The following ERC1 variants were observed in gnomAD, a reference collection of about 807,000 sequenced individuals.
ERC1 encodes ELKS/RAB6-interacting/CAST family member 1.
A neutral mutation model predicts 132.0 loss-of-function variants in ERC1; 56 were observed. The observed-to-expected ratio is 0.42, with a 90% CI of 0.34 to 0.53. The LOEUF (loss-of-function observed/expected upper bound fraction) is 0.53. Among genes scored for constraint, ERC1 ranks in the 20% least tolerant of loss-of-function variants. The pLI, the probability that ERC1 is intolerant of heterozygous loss-of-function variation, is 0.03. For missense variants in ERC1, 1,202 were observed against 1,349.9 expected, an observed-to-expected ratio of 0.89 and a Z score of 1.72; for synonymous variants, 478 against 476.1, an observed-to-expected ratio of 1.00 and a Z score of -0.05.
intron 8 of ERC1, among the ~76,000 whole-genome samples, chr12:1,148,558 T>C (rs528709237): frequency 3.3e-5 from 5 of 152,264 alleles, no homozygotes; most frequent in African/African-American, 1.2e-4. Context: ...AGTACAACTG[T>C]TTTCAAAATT....
chr12:1,324,714 T>G (rs1310525003), intron 15 of ERC1, among the ~76,000 whole-genome samples: 1 of 152,252 alleles, frequency 6.6e-6, no homozygotes, highest in African/African-American at 2.4e-5. Context: ...AGAATGTTGC[T>G]TAGCGGTCTC....
intron 3 of ERC1, among the ~76,000 whole-genome samples, chr12:1,094,473 C>T (rs555925708): frequency 5.4e-5 from 8 of 147,198 alleles, no homozygotes; most frequent in Admixed American, 1.4e-4. Context: ...TGCAGTGGTG[C>T]GATCTCAGCT....
intron 7 of ERC1, among the ~76,000 whole-genome samples, chr12:1,134,075 C>A (rs778776556): frequency 2.0e-5 from 3 of 152,024 alleles, no homozygotes; most frequent in Non-Finnish European, 2.9e-5. Context: ...TATTACTGAA[C>A]TTTGTTTTGT....
At chr12:1,172,158 A>G (rs531269417) in intron 8 of ERC1, among the ~76,000 whole-genome samples, 3 of 152,148 alleles carry the variant, frequency 2.0e-5, no homozygotes, top group Non-Finnish European at 4.4e-5. Flanking sequence ...TCTTTCTCCA[A>G]ACAGTTAATT....
chr12:1,431,412 T>C lies in ERC1; in HGVS notation c.3025-13150T>C, dbSNP rs189759028. 3.1e-3 allele frequency among the ~76,000 whole-genome samples: 479 copies of C among 152,338 alleles called. 3 individuals are homozygous for C. Among genetic ancestry groups the C allele is most frequent in the African/African-American group, 0.011 (451 of 41,572 alleles). On this transcript the variant is annotated intron_variant, in intron 17 of 18. Transcript: ENST00000360905. Reference sequence around the variant, plus strand: ...AGATATTTAATTCAGGTTGTATCAGTATCAAGGAATTTTTAACTGAGCGTT... The same window carrying C: ...AGATATTTAATTCAGGTTGTATCAGCATCAAGGAATTTTTAACTGAGCGTT...
intron 15 of ERC1, among the ~76,000 whole-genome samples, chr12:1,315,776 A>G (rs895432476): frequency 6.6e-6 from 1 of 152,208 alleles, no homozygotes; most frequent in Non-Finnish European, 1.5e-5. Flanking sequence ...GGTGGGACCG[A>G]TGGTATAATT....
At chr12:1,138,293 A>G (rs1038111888) in intron 7 of ERC1, among the ~76,000 whole-genome samples, 46 of 137,674 alleles carry the variant, frequency 3.3e-4, no homozygotes, top group African/African-American at 1.1e-3. Flanking sequence ...GATATATATT[A>G]TATAATATAT....
rs57661979 is a variant in ERC1, at chr12:1,424,864, CGATAGATAGATA to C, written c.3024+16654_3024+16665del. ...ATAGATGATAGATAGATAGATAGAT[CGATAGATAGATA>C]GATAGATAGATAGATAGATAGATAG... On this transcript the variant is annotated intron_variant, in intron 17 of 18. Coordinates refer to ENST00000360905, the MANE Select transcript of ERC1 (RefSeq NM_178040.4). 2.3e-3 allele frequency among the ~76,000 whole-genome samples: 230 copies of C among 101,034 alleles called. 3 individuals are homozygous for C. The highest frequency in any genetic ancestry group is 5.5e-3 in the East Asian group (16 of 2,898). The allele number at this position is 101,034 out of a possible 152,430, so 66.3% of individuals were successfully genotyped here.
chr12:1,426,250 C>T (rs970356297), intron 17 of ERC1, among the ~76,000 whole-genome samples: 6 of 152,102 alleles, frequency 3.9e-5, no homozygotes, highest in East Asian at 1.9e-4. Context: ...ATTACAAGTG[C>T]GTGCACCACC....
In ERC1 at chr12:1,479,300, G is replaced by A. The variant is rs543662312; in HGVS notation, c.3214-10793G>A. On this transcript the variant is annotated intron_variant, in intron 18 of 18. Transcript: ENST00000360905. The stretch of plus-strand genomic sequence containing the variant: ...TCCACTTACTCTTTGGAATCAGCTC[G>A]TCTATTCACATACACACCTGCCAGT... Among the ~76,000 whole-genome samples, 11 of 152,192 alleles carry A rather than the reference G, an allele frequency of 7.2e-5. No homozygotes were observed. The East Asian group carries it at 9.6e-4, about 13-fold the overall frequency.
At chr12:1,061,147 T>A (rs1937783554) in intron 2 of ERC1, among the ~76,000 whole-genome samples, 1 of 152,204 alleles carries the variant, frequency 6.6e-6, no homozygotes, top group South Asian at 2.1e-4. Flanking sequence ...ATCCATTCCT[T>A]CTAGGTTTTC....
intron 15 of ERC1, among the ~76,000 whole-genome samples, chr12:1,335,740 G>A (rs866221405): frequency 6.6e-6 from 1 of 152,158 alleles, no homozygotes; most frequent in African/African-American, 2.4e-5. Context: ...CGACCTCGTA[G>A]AATTAGTTGG....
At chr12:1,065,477 C>CATTTGTGTGTGT (rs1555223430) in intron 2 of ERC1, among the ~76,000 whole-genome samples, 3 of 43,460 alleles carry the variant, frequency 6.9e-5, no homozygotes, top group African/African-American at 1.9e-4. Flanking sequence ...TTCTTTGTAC[C>CATTTGTGTGTGT]GTTTGTGTGT....
chr12:1,186,906 C>G (rs985564109), intron 11 of ERC1, among the ~76,000 whole-genome samples: 19 of 152,204 alleles, frequency 1.2e-4, no homozygotes, highest in African/African-American at 4.1e-4. Context: ...TCTCGACTCA[C>G]TGCAGCCTCT....
chr12:1,378,847 C>T lies in ERC1; in HGVS notation c.2925+6870C>T, dbSNP rs142891340. ...GTTGACTTACATTATTGCATCTGAACCTTCAGATGACATCCTGAAATAAAT... is the reference window on the plus strand; with the variant it reads ...GTTGACTTACATTATTGCATCTGAATCTTCAGATGACATCCTGAAATAAAT... On this transcript the variant is annotated intron_variant, in intron 16 of 18. Transcript: ENST00000360905. 6.0e-3 allele frequency among the ~76,000 whole-genome samples: 921 copies of T among 152,282 alleles called. 13 individuals carry two copies. Among genetic ancestry groups the T allele is most frequent in the Admixed American group, 9.5e-3 (145 of 15,292 alleles).
At chr12:1,480,477 GC>G (rs2094066897) in intron 18 of ERC1, among the ~76,000 whole-genome samples, 10 of 152,082 alleles carry the variant, frequency 6.6e-5, no homozygotes, top group Admixed American at 6.5e-4. Flanking sequence ...GGGATTACTT[GC>G]CAGTATTAGA....
At chr12:1,021,142 T>C (rs1378022115) in intron 1 of ERC1, among the ~76,000 whole-genome samples, 1 of 151,606 alleles carries the variant, frequency 6.6e-6, no homozygotes, top group East Asian at 2.0e-4. Context: ...GGTTTCACCA[T>C]GTTGGCCAAA....
chr12:1,369,304 G>C (rs2086954928), intron 15 of ERC1, among the ~76,000 whole-genome samples: 1 of 152,186 alleles, frequency 6.6e-6, no homozygotes, highest in African/African-American at 2.4e-5. Context: ...TTATGAAAGA[G>C]TTTGGAATTC....
At chr12:1,229,132 T>G (rs904703202) in intron 12 of ERC1, among the ~76,000 whole-genome samples, 1 of 152,216 alleles carries the variant, frequency 6.6e-6, no homozygotes, top group Non-Finnish European at 1.5e-5. Context: ...TATGAAGCCA[T>G]CTGGTCCTCA....
Sources: gnomAD v4.1 joint callset for allele counts (sites outside exome capture counted in the v4.1 genomes callset) on GRCh38, gnomAD v4.1.1 for gene constraint, MANE v1.5 for transcripts, NCBI Gene and HGNC (gene_info 2026-07-23, HGNC 2026-07-21) for gene names.